Variants in ZFP69 observed in about 807,000 individuals in gnomAD.
ZFP69 encodes the protein zinc finger protein 69 homolog.
A neutral mutation model predicts 48.9 loss-of-function variants in ZFP69; 35 were observed. The ratio of observed to expected loss-of-function variants is 0.72; its 90% confidence interval spans 0.55 to 0.95. The LOEUF is 0.95. Ranked by LOEUF, ZFP69 falls within the 40% of genes least tolerant of loss-of-function variation. The pLI, the probability that ZFP69 is intolerant of heterozygous loss-of-function variation, is 0.00. For synonymous variants in ZFP69, 193 were observed against 216.8 expected, an observed-to-expected ratio of 0.89 and a Z score of 0.96; for missense variants, 557 against 638.4, an observed-to-expected ratio of 0.87 and a Z score of 1.37.
chr1:40,479,656 A>G (rs1186705024), intron 2 of ZFP69, among the ~76,000 whole-genome samples, 168 bp downstream of exon 2: 2 of 152,174 alleles, frequency 1.3e-5, no homozygotes, highest in Non-Finnish European at 2.9e-5. Context: ...GGGGTCCAGC[A>G]TGGACTCCTT....
At position 40,494,865 on chromosome 1, in the gene ZFP69, C is replaced by T. The variant is rs1477890039; in HGVS notation, c.443-56C>T. ...CTTATCCATATTGTTGTCTAAATCTCTGTTCCATAACCACTACAGTAATTG... is the reference window on the plus strand; with the variant it reads ...CTTATCCATATTGTTGTCTAAATCTTTGTTCCATAACCACTACAGTAATTG... On this transcript the variant is annotated intron_variant, in intron 5 of 5. Transcript: ENST00000372706. The T allele has an allele frequency of 2.0e-6, 3 of 1,468,652 alleles. No individual in the cohort carries two copies. In the African/African-American group the frequency reaches 4.3e-5, roughly 21 times the overall value. The allele number at this position is 1,468,652 out of a possible 1,614,324, so 91.0% of individuals were successfully genotyped here. A position where few individuals can be genotyped will look rare whatever the true frequency, so the allele number is the denominator to read the frequency against.
intron 3 of ZFP69, among the ~76,000 whole-genome samples, chr1:40,482,169 CAT>C (rs762146091): frequency 2.0e-5 from 3 of 151,716 alleles, no homozygotes; most frequent in Non-Finnish European, 4.4e-5. Flanking sequence ...ACCGATACCA[CAT>C]GAGATCTAAG....
At chr1:40,484,261 G>A (rs1420313538) in intron 3 of ZFP69, among the ~76,000 whole-genome samples, 1 of 151,884 alleles carries the variant, frequency 6.6e-6, no homozygotes, top group Non-Finnish European at 1.5e-5. Context: ...CTGCAGTGGT[G>A]CGATCTCAGC....
intron 2 of ZFP69, among the ~76,000 whole-genome samples, chr1:40,480,949 C>A (rs1415148198): frequency 6.6e-6 from 1 of 152,128 alleles, no homozygotes; most frequent in Non-Finnish European, 1.5e-5. Context: ...AAGTTTGTGA[C>A]CTTAATTAGC....
Position 40,489,581 on chromosome 1 carries a change from GCCATGGATGGCAGAGAAAGAAGGC to G in ZFP69, c.403_426del (p.Trp135_Pro142del). On this transcript the variant is annotated inframe_deletion, in exon 5 of 6. Transcript: ENST00000372706. ...TATCCCAGTTAGAGAAAGGAGAAGA[GCCATGGATGGCAGAGAAAGAAGGC>G]CCAGGAGATCCCAGTTCAGGTGAGA... The G allele has an allele frequency of 6.2e-7, 1 of 1,613,772 alleles. No homozygotes were observed. The highest frequency in any genetic ancestry group is 8.5e-7 in the Non-Finnish European group (1 of 1,179,912).
chr1:40,488,246 G>A (rs918806188), intron 3 of ZFP69, among the ~76,000 whole-genome samples: 2 of 152,114 alleles, frequency 1.3e-5, no homozygotes, highest in African/African-American at 4.8e-5. Flanking sequence ...TCTCTCTGGT[G>A]GTTAAGGTGA....
At chr1:40,487,654 C>T (rs980825534) in intron 3 of ZFP69, among the ~76,000 whole-genome samples, 3 of 152,110 alleles carry the variant, frequency 2.0e-5, no homozygotes, top group South Asian at 2.1e-4. Flanking sequence ...TATTGTAGTG[C>T]GCTCAGGTGT....
Position 40,479,361 on chromosome 1 carries a change from C to G in ZFP69, c.-1C>G. The stretch of plus-strand genomic sequence containing the variant: ...TGGACAAGTCCAGTAAGGCAGGCAT[C>G]ATGCCACAGCAGCTCCTGATCACCC... On this transcript the variant is annotated 5_prime_UTR_variant, in exon 2 of 6. In the 5' UTR this introduces an upstream ATG that the reference lacks. Coordinates refer to ENST00000372706, the MANE Select transcript of ZFP69 (RefSeq NM_001320179.2). 6.2e-7 allele frequency: 1 copy of G among 1,613,642 alleles called. No individual in the cohort carries two copies. Among genetic ancestry groups the G allele is most frequent in the Non-Finnish European group, 8.5e-7 (1 of 1,179,740 alleles).
At chr1:40,485,244 A>G (rs1013000134) in intron 3 of ZFP69, among the ~76,000 whole-genome samples, 5 of 151,946 alleles carry the variant, frequency 3.3e-5, no homozygotes, top group African/African-American at 1.2e-4. Flanking sequence ...CAATCATATT[A>G]TATGTGAGGC....
intron 5 of ZFP69, chr1:40,490,747 CTCTTTT>C (rs1645559790): frequency 6.6e-6 from 1 of 152,216 alleles, no homozygotes; most frequent in Non-Finnish European, 1.5e-5. Context: ...GATTCTCATT[CTCTTTT>C]TAACTTATGT....
At position 40,478,954 on chromosome 1, in the gene ZFP69, C is replaced by T. The variant is rs148939907; in HGVS notation, c.-326-82C>T. 5.9e-3 allele frequency: 1,256 copies of T among 212,064 alleles called. 15 individuals are homozygous for T. Among genetic ancestry groups the T allele is most frequent in the Non-Finnish European group, 8.0e-3 (833 of 103,956 alleles). The allele number at this position is 212,064 out of a possible 1,614,324, so 13.1% of individuals were successfully genotyped here. On this transcript the variant is annotated intron_variant, in intron 1 of 5. Coordinates refer to ENST00000372706, the MANE Select transcript of ZFP69 (RefSeq NM_001320179.2). ...ATGTATAGAACTGGAGATAGAGCCA[C>T]GTCCAGGAACATGTATTATATTTAT...
chr1:40,479,498 G>C lies in ZFP69; in HGVS notation c.127+10G>C. 1 of 1,608,888 alleles carries C rather than the reference G, an allele frequency of 6.2e-7. No individual in the cohort carries two copies. Among genetic ancestry groups the C allele is most frequent in the Non-Finnish European group, 8.5e-7 (1 of 1,176,980 alleles). On this transcript the variant is annotated intron_variant, in intron 2 of 5. Coordinates refer to ENST00000372706, the MANE Select transcript of ZFP69 (RefSeq NM_001320179.2). ...ATGTTTGAAGGAGAAGGTGAGAATG[G>C]ACTGATGGAGGGGGAAGAAGGGGAT... is the stretch of plus-strand genomic sequence containing the variant.
intron 5 of ZFP69, among the ~76,000 whole-genome samples, chr1:40,490,262 T>G (rs567689665): frequency 1.2e-4 from 18 of 152,290 alleles, no homozygotes; most frequent in African/African-American, 4.3e-4. Context: ...TCCACCCCCA[T>G]GACCCAACAC....
At chr1:40,487,738 C>T (rs1481076697) in intron 3 of ZFP69, among the ~76,000 whole-genome samples, 1 of 152,104 alleles carries the variant, frequency 6.6e-6, no homozygotes, top group African/African-American at 2.4e-5. Context: ...CGGTAAATTG[C>T]ATATCACAGT....
At chr1:40,486,149 A>C (rs1645494238) in intron 3 of ZFP69, among the ~76,000 whole-genome samples, 1 of 151,656 alleles carries the variant, frequency 6.6e-6, no homozygotes, top group African/African-American at 2.4e-5. Context: ...CTGGTCTCAA[A>C]CTCCTGACCT....
At chr1:40,491,831 T>C (rs1645572707) in intron 5 of ZFP69, among the ~76,000 whole-genome samples, 1 of 151,878 alleles carries the variant, frequency 6.6e-6, no homozygotes, top group African/African-American at 2.4e-5. Flanking sequence ...ATATATTCAT[T>C]CTAGATAATA....
Position 40,495,377 on chromosome 1 carries a change from G to C in ZFP69, c.899G>C (p.Arg300Thr), listed in dbSNP as rs1249804859. 3 of 1,614,130 alleles carry C rather than the reference G, an allele frequency of 1.9e-6. No individual in the cohort carries two copies. In the South Asian group the frequency reaches 3.3e-5, roughly 18 times the overall value. ...MRIHTGEKPF[R>T]CKECGRAFSQ... ...ATTCATACTGGTGAGAAACCTTTCA[G>C]ATGTAAGGAATGTGGAAGGGCCTTT... The change falls in exon 6 of 6, where the codon AGA (arginine) becomes ACA (threonine). Residue 300 changes from arginine to threonine, a missense_variant. Transcript: ENST00000372706.
rs367781947 is a variant in ZFP69, at chr1:40,481,249, TGAGA to T, written c.128-513_128-510del. Among the ~76,000 whole-genome samples the T allele has an allele frequency of 2.0e-3, 307 of 150,818 alleles. 1 individual carries two copies. The highest frequency in any genetic ancestry group is 7.3e-3 in the African/African-American group (298 of 40,980). ...GAAAATGGGGCATCTTTAGTCTGACTGAGAATCTTTAGTCTGAAAGACTAATAAT... is the reference window on the plus strand; with the variant it reads ...GAAAATGGGGCATCTTTAGTCTGACTATCTTTAGTCTGAAAGACTAATAAT... On this transcript the variant is annotated intron_variant, in intron 2 of 5. Transcript: ENST00000372706.
At chr1:40,491,155 T>C (rs1237300241) in intron 5 of ZFP69, 1 of 152,276 alleles carries the variant, frequency 6.6e-6, no homozygotes, top group Non-Finnish European at 1.5e-5. Context: ...GTATATATAC[T>C]TCTTCCTTTT....
Sources: allele counts gnomAD v4.1 joint callset (sites outside exome capture counted in the v4.1 genomes callset), GRCh38; gene constraint gnomAD v4.1.1; transcripts MANE v1.5; gene names NCBI Gene and HGNC (gene_info 2026-07-23, HGNC 2026-07-21).